TRPM3: variants seen among roughly 807,000 people sequenced by gnomAD.
TRPM3 encodes long transient receptor potential channel 3.
A neutral mutation model predicts 181.2 loss-of-function variants in TRPM3; 77 were observed. That is an observed-to-expected ratio of 0.42 (90% CI 0.35 to 0.51). The LOEUF (loss-of-function observed/expected upper bound fraction) is 0.51, where lower values mean the gene tolerates loss of function less well. Ranked by LOEUF, TRPM3 falls within the 20% of genes least tolerant of loss-of-function variation. The probability of loss-of-function intolerance (pLI) is 0.01; values close to 1 mark genes in which losing one functional copy is unlikely to be tolerated. For missense variants in TRPM3, 1,759 were observed against 2,196.7 expected, an observed-to-expected ratio of 0.80 and a Z score of 3.98; for synonymous variants, 745 against 796.4, an observed-to-expected ratio of 0.94 and a Z score of 1.09.
chr9:71,081,719 G>T (rs1392751785), intron 1 of TRPM3, among the ~76,000 whole-genome samples: 1 of 151,976 alleles, frequency 6.6e-6, no homozygotes, highest in Non-Finnish European at 1.5e-5. Flanking sequence ...TGAGCCCTTA[G>T]AAATAAGAAA....
At chr9:70,552,635 C>A (rs2046746661) in intron 24 of TRPM3, among the ~76,000 whole-genome samples, 1 of 152,164 alleles carries the variant, frequency 6.6e-6, no homozygotes, top group African/African-American at 2.4e-5. Context: ...GCTAAGAGTG[C>A]TCAATTTCAG....
At chr9:71,215,277 T>C (rs1451567491) in intron 1 of TRPM3, among the ~76,000 whole-genome samples, 1 of 152,224 alleles carries the variant, frequency 6.6e-6, no homozygotes, top group Non-Finnish European at 1.5e-5. Flanking sequence ...GGAGGAGATG[T>C]TGAAGAGTGT....
chr9:70,971,114 C>G (rs1457022759), intron 1 of TRPM3, among the ~76,000 whole-genome samples: 1 of 152,092 alleles, frequency 6.6e-6, no homozygotes, highest in Non-Finnish European at 1.5e-5. Flanking sequence ...TATGTTACAT[C>G]TGTTGTATCA....
At chr9:70,779,091 T>A (rs916466526) in intron 7 of TRPM3, among the ~76,000 whole-genome samples, 1 of 152,180 alleles carries the variant, frequency 6.6e-6, no homozygotes, top group Non-Finnish European at 1.5e-5. Context: ...GTAGGGACCC[T>A]TATTAAACAT....
chr9:70,873,416 C>A (rs1399319189), intron 1 of TRPM3, among the ~76,000 whole-genome samples: 2 of 151,984 alleles, frequency 1.3e-5, no homozygotes, highest in Non-Finnish European at 2.9e-5. Context: ...AGCTCAGCAT[C>A]TAAAGTCTGG....
At chr9:71,149,035 A>G (rs1043121342) in intron 1 of TRPM3, among the ~76,000 whole-genome samples, 8 of 152,182 alleles carry the variant, frequency 5.3e-5, no homozygotes, top group Non-Finnish European at 1.2e-4. Context: ...GATAGAAATA[A>G]AAAGATTAGA....
chr9:71,051,520 C>CAT (rs1195244222), intron 1 of TRPM3, among the ~76,000 whole-genome samples: 4 of 152,096 alleles, frequency 2.6e-5, no homozygotes, highest in Non-Finnish European at 5.9e-5. Context: ...ATCCTCCACC[C>CAT]ATAGCATGCC....
chr9:71,186,823 G>A (rs7862138), intron 1 of TRPM3, among the ~76,000 whole-genome samples: 8,431 of 152,004 alleles, frequency 0.055, 268 homozygotes, highest in East Asian at 0.12. Flanking sequence ...CTGATGCTTT[G>A]TACATGAAGA....
At chr9:71,280,078 C>CAAA (rs36019274) in intron 1 of TRPM3, among the ~76,000 whole-genome samples, 7 of 105,730 alleles carry the variant, frequency 6.6e-5, no homozygotes, top group Middle Eastern at 4.3e-3. Flanking sequence ...AACTCCATCT[C>CAAA]AAAAAAAAAA....
intron 1 of TRPM3, among the ~76,000 whole-genome samples, chr9:71,413,357 C>T (rs1168220477): frequency 8.6e-5 from 13 of 151,948 alleles, no homozygotes; most frequent in Non-Finnish European, 2.9e-5. Flanking sequence ...ATTATAATAT[C>T]GAAAGTGTCT....
intron 5 of TRPM3, among the ~76,000 whole-genome samples, chr9:70,836,906 A>G (rs1052314824): frequency 6.6e-6 from 1 of 152,202 alleles, no homozygotes; most frequent in Non-Finnish European, 1.5e-5. Context: ...ATCTCAAAGG[A>G]AAGTCAAAAT....
chr9:71,307,274 C>G, intron 1 of TRPM3, among the ~76,000 whole-genome samples: 1 of 149,726 alleles, frequency 6.7e-6, no homozygotes, highest in Non-Finnish European at 1.5e-5. Flanking sequence ...TTTCTATGTT[C>G]TTTGTTTTCC....
chr9:71,219,211 G>T (rs1207005915), intron 1 of TRPM3, among the ~76,000 whole-genome samples: 1 of 152,042 alleles, frequency 6.6e-6, no homozygotes, highest in East Asian at 1.9e-4. Flanking sequence ...GGGGTTGGGA[G>T]ATGAGGGAAG....
At chr9:71,351,345 T>C (rs1387988125) in intron 1 of TRPM3, among the ~76,000 whole-genome samples, 5 of 152,202 alleles carry the variant, frequency 3.3e-5, no homozygotes, top group Non-Finnish European at 1.5e-5. Flanking sequence ...TGAACAAATT[T>C]AGCGATTGTT....
intron 1 of TRPM3, among the ~76,000 whole-genome samples, chr9:71,436,298 CTTTTT>C (rs71352382): frequency 1.3e-4 from 10 of 77,296 alleles, no homozygotes; most frequent in Non-Finnish European, 1.8e-4. Context: ...TTTTTTCTTT[CTTTTT>C]TTTTTTTTTT....
At chr9:71,431,039 T>C (rs376887162) in intron 1 of TRPM3, among the ~76,000 whole-genome samples, 37 of 152,206 alleles carry the variant, frequency 2.4e-4, no homozygotes, top group Non-Finnish European at 3.7e-4. Context: ...TTTGATACAA[T>C]TGAAAATATT....
At chr9:70,663,557 G>T (rs945529894) in intron 9 of TRPM3, among the ~76,000 whole-genome samples, 4 of 152,002 alleles carry the variant, frequency 2.6e-5, no homozygotes, top group African/African-American at 4.8e-5. Context: ...CTGAATCCAG[G>T]AGTCTCTTTC....
At chr9:70,604,964 C>CTTCTTTT (rs146874864) in intron 19 of TRPM3, among the ~76,000 whole-genome samples, 1 of 129,956 alleles carries the variant, frequency 7.7e-6, no homozygotes, top group Non-Finnish European at 1.6e-5. Context: ...ATGGATTCTT[C>CTTCTTTT]TTTTTTTTTG....
intron 1 of TRPM3, among the ~76,000 whole-genome samples, chr9:70,909,924 A>G (rs2096521078): frequency 6.6e-6 from 1 of 152,208 alleles, no homozygotes; most frequent in Non-Finnish European, 1.5e-5. Context: ...GATAAGGAAG[A>G]GGGACTGAAA....
Sources: allele counts gnomAD v4.1 joint callset (sites outside exome capture counted in the v4.1 genomes callset), GRCh38; gene constraint gnomAD v4.1.1; transcripts MANE v1.5; gene names NCBI Gene and HGNC (gene_info 2026-07-23, HGNC 2026-07-21).